NRG2: variants seen among roughly 807,000 people sequenced by gnomAD.
The protein encoded by NRG2 is neuregulin 2, also known as pro-neuregulin-2, membrane-bound isoform.
In NRG2, 27 loss-of-function variants were observed where a neutral mutation model predicts 73.9. The observed-to-expected ratio is 0.37, with a 90% confidence interval of 0.27 to 0.50. The LOEUF is 0.50. Ranked by LOEUF, NRG2 falls within the 20% of genes least tolerant of loss-of-function variation. The pLI, the probability that NRG2 is intolerant of heterozygous loss-of-function variation, is 0.96. For synonymous variants in NRG2, 532 were observed against 541.0 expected (o/e 0.98, Z 0.23); for missense variants, 1,126 against 1,210.1 (o/e 0.93, Z 1.03).
chr5:139,924,755 C>T (rs1264713352), intron 1 of NRG2, among the ~76,000 whole-genome samples: 1 of 152,202 alleles, frequency 6.6e-6, no homozygotes, highest in Non-Finnish European at 1.5e-5. Flanking sequence ...CTTTCCTGGG[C>T]TGATGGGGCT....
At chr5:139,855,591 G>T in intron 6 of NRG2, 85 bp downstream of exon 6, 3 of 1,157,852 alleles carry the variant, frequency 2.6e-6, no homozygotes, top group Admixed American at 1.7e-5. Flanking sequence ...CCAGTGGGGT[G>T]GGGGAGGAAA....
intron 1 of NRG2, among the ~76,000 whole-genome samples, chr5:140,014,521 G>C (rs1265903243): frequency 6.6e-6 from 1 of 152,154 alleles, no homozygotes; most frequent in Admixed American, 6.5e-5. Flanking sequence ...ACAGGCATGA[G>C]CCACAGTGCC....
intron 1 of NRG2, among the ~76,000 whole-genome samples, chr5:139,938,727 A>G (rs183499616): frequency 6.6e-6 from 1 of 151,956 alleles, no homozygotes; most frequent in Admixed American, 6.6e-5. Context: ...ATCCAGAAAT[A>G]TACCCACACA....
At chr5:140,020,560 C>T (rs896221056) in intron 1 of NRG2, among the ~76,000 whole-genome samples, 73 of 152,180 alleles carry the variant, frequency 4.8e-4, no homozygotes, top group African/African-American at 1.6e-3. Flanking sequence ...GTCCCAAGAT[C>T]CGGACACATA....
At chr5:140,026,317 T>G (rs1028772423) in intron 1 of NRG2, among the ~76,000 whole-genome samples, 15 of 152,198 alleles carry the variant, frequency 9.9e-5, no homozygotes, top group African/African-American at 3.6e-4. Context: ...GATTTTGGGG[T>G]TGGGAAGAGA....
chr5:139,994,461 C>T (rs1386762916), intron 1 of NRG2, among the ~76,000 whole-genome samples: 2 of 152,228 alleles, frequency 1.3e-5, no homozygotes, highest in Non-Finnish European at 2.9e-5. Flanking sequence ...TGTGATATCA[C>T]AGCATGGTTC....
At chr5:139,881,240 G>A (rs1221318379) in intron 2 of NRG2, among the ~76,000 whole-genome samples, 8 of 152,150 alleles carry the variant, frequency 5.3e-5, no homozygotes, top group South Asian at 2.1e-4. Context: ...CCTCACATCC[G>A]CTCTTCTAGG....
At chr5:139,980,221 G>A (rs1756687739) in intron 1 of NRG2, among the ~76,000 whole-genome samples, 1 of 152,152 alleles carries the variant, frequency 6.6e-6, no homozygotes, top group Non-Finnish European at 1.5e-5. Flanking sequence ...GGGACACACA[G>A]GTGAGGCAGC....
At chr5:139,999,207 A>T (rs1397989329) in intron 1 of NRG2, among the ~76,000 whole-genome samples, 3 of 151,766 alleles carry the variant, frequency 2.0e-5, no homozygotes, top group African/African-American at 7.3e-5. Flanking sequence ...AATACACCCT[A>T]ATAACAGTTT....
intron 1 of NRG2, among the ~76,000 whole-genome samples, chr5:139,985,175 A>C (rs1757077892): frequency 6.6e-6 from 1 of 151,992 alleles, no homozygotes; most frequent in Non-Finnish European, 1.5e-5. Flanking sequence ...CCCCGTCTCT[A>C]CTATAAATAT....
At chr5:139,849,608 G>T (rs1761271534) in intron 9 of NRG2, among the ~76,000 whole-genome samples, 1 of 152,112 alleles carries the variant, frequency 6.6e-6, no homozygotes, top group African/African-American at 2.4e-5. Flanking sequence ...CTCAGGACAG[G>T]GGCCACCCAC....
chr5:140,021,787 C>T (rs146635709), intron 1 of NRG2, among the ~76,000 whole-genome samples: 2 of 152,292 alleles, frequency 1.3e-5, no homozygotes, highest in African/African-American at 2.4e-5. Flanking sequence ...AGGAACACAA[C>T]GCATGAAACA....
chr5:139,876,290 G>C (rs1763170544), intron 3 of NRG2, among the ~76,000 whole-genome samples: 1 of 152,190 alleles, frequency 6.6e-6, no homozygotes, highest in Non-Finnish European at 1.5e-5. Flanking sequence ...GATTCTATTT[G>C]TATGAAATGT....
At chr5:139,979,833 A>C (rs1265649000) in intron 1 of NRG2, among the ~76,000 whole-genome samples, 3 of 152,226 alleles carry the variant, frequency 2.0e-5, no homozygotes, top group Non-Finnish European at 1.5e-5. Flanking sequence ...AGAAGCACCC[A>C]GCTAAGTCAT....
chr5:140,039,747 C>T (rs1013862651), intron 1 of NRG2, among the ~76,000 whole-genome samples: 7 of 152,164 alleles, frequency 4.6e-5, no homozygotes, highest in African/African-American at 1.7e-4. Context: ...CCACACCTCT[C>T]AGAACCTACA....
intron 1 of NRG2, among the ~76,000 whole-genome samples, chr5:139,947,982 T>C (rs1753920011): frequency 2.0e-5 from 3 of 152,338 alleles, no homozygotes; most frequent in South Asian, 2.1e-4. Flanking sequence ...TACATGAACA[T>C]TGTTGTGCAA....
chr5:139,927,634 C>A (rs1662194856), intron 1 of NRG2, among the ~76,000 whole-genome samples: 1 of 152,036 alleles, frequency 6.6e-6, no homozygotes, highest in Non-Finnish European at 1.5e-5. Flanking sequence ...CATGGTGGTG[C>A]ATGCCTATAA....
chr5:139,878,905 A>C (rs1271746125), intron 3 of NRG2, among the ~76,000 whole-genome samples: 4 of 152,224 alleles, frequency 2.6e-5, no homozygotes, highest in African/African-American at 9.6e-5. Context: ...AAGTTCTCTT[A>C]TATAATATTT....
At chr5:139,961,927 C>T (rs75317071) in intron 1 of NRG2, among the ~76,000 whole-genome samples, 4 of 152,280 alleles carry the variant, frequency 2.6e-5, no homozygotes, top group African/African-American at 7.2e-5. Context: ...ATGTGGGGGC[C>T]GAGGCAGCCC....
Sources: allele counts gnomAD v4.1 joint callset (sites outside exome capture counted in the v4.1 genomes callset), GRCh38; gene constraint gnomAD v4.1.1; transcripts MANE v1.5; gene names NCBI Gene and HGNC (gene_info 2026-07-23, HGNC 2026-07-21).